The following ARMC9 variants were observed in gnomAD, a reference collection of about 807,000 sequenced individuals.
The protein encoded by ARMC9 is lisH domain-containing protein ARMC9.
A neutral mutation model predicts 107.0 loss-of-function variants in ARMC9; 94 were observed. The ratio of observed to expected loss-of-function variants is 0.88; its 90% CI spans 0.74 to 1.04. The LOEUF is 1.04. Ranked by LOEUF, ARMC9 falls within the 50% of genes least tolerant of loss-of-function variation. ARMC9 has a pLI of 0.00. For synonymous variants in ARMC9, 380 were observed against 396.9 expected (o/e 0.96, Z 0.51); for missense variants, 942 against 1,030.1 (o/e 0.91, Z 1.17).
intron 7 of ARMC9, among the ~76,000 whole-genome samples, chr2:231,232,745 C>T (rs1192407544): frequency 1.3e-5 from 2 of 151,384 alleles, no homozygotes; most frequent in Admixed American, 6.6e-5. Context: ...GCCACTGCGC[C>T]CGGCCTTTGC....
Position 231,216,627 on chromosome 2 carries a change from C to T in ARMC9, c.349-11C>T. On this transcript the variant is annotated splice_polypyrimidine_tract_variant and intron_variant, in intron 4 of 24. Coordinates refer to ENST00000611582, the MANE Select transcript of ARMC9 (RefSeq NM_001352754.2). ...CTGGAGACCTCAAACAAGTGTTTTCCCTTCTTCTAGGACAAAGAGGAGCTG... is the reference window on the plus strand; with the variant it reads ...CTGGAGACCTCAAACAAGTGTTTTCTCTTCTTCTAGGACAAAGAGGAGCTG... 6.2e-7 allele frequency: 1 copy of T among 1,611,636 alleles called. No individual in the cohort carries two copies. The highest frequency in any genetic ancestry group is 8.5e-7 in the Non-Finnish European group (1 of 1,179,002).
intron 19 of ARMC9, among the ~76,000 whole-genome samples, chr2:231,310,344 G>A (rs1183412062): frequency 2.6e-5 from 4 of 151,178 alleles, no homozygotes; most frequent in Non-Finnish European, 4.4e-5. Context: ...GCTTGAACCC[G>A]GGAGGCAAGG....
chr2:231,227,117 A>T (rs1234468660), intron 7 of ARMC9, among the ~76,000 whole-genome samples: 2 of 152,160 alleles, frequency 1.3e-5, no homozygotes, highest in African/African-American at 2.4e-5. Flanking sequence ...GTAAGGATAG[A>T]GTTCTTTTAA....
chr2:231,240,250 G>A, intron 9 of ARMC9: 1 of 571,876 alleles, frequency 1.7e-6, no homozygotes, highest in Non-Finnish European at 3.1e-6. Flanking sequence ...TGAGGAGAGA[G>A]GCGTGTTCTG....
At chr2:231,318,111 G>A (rs986851296) in intron 19 of ARMC9, among the ~76,000 whole-genome samples, 5 of 151,770 alleles carry the variant, frequency 3.3e-5, no homozygotes, top group Admixed American at 6.6e-5. Flanking sequence ...ACGTGTTGTC[G>A]TGATTCTAGA....
intron 13 of ARMC9, 80 bp downstream of exon 13, chr2:231,271,152 C>G: frequency 7.2e-7 from 1 of 1,390,618 alleles, no homozygotes; most frequent in South Asian, 1.2e-5. Flanking sequence ...GCGTTCCTCC[C>G]AAGTTTCTTA....
chr2:231,304,846 T>G (rs1390133414), intron 19 of ARMC9, among the ~76,000 whole-genome samples: 1 of 152,238 alleles, frequency 6.6e-6, no homozygotes, highest in Non-Finnish European at 1.5e-5. Flanking sequence ...CTTGAAAGTT[T>G]AAATTGTATT....
At chr2:231,308,860 A>C (rs1394904140) in intron 19 of ARMC9, among the ~76,000 whole-genome samples, 2 of 152,240 alleles carry the variant, frequency 1.3e-5, no homozygotes, top group Non-Finnish European at 2.9e-5. Context: ...GCCAGAGGCT[A>C]GCTGCTCTCC....
chr2:231,262,748 C>T (rs2038493671), intron 12 of ARMC9, among the ~76,000 whole-genome samples: 1 of 152,116 alleles, frequency 6.6e-6, no homozygotes, highest in South Asian at 2.1e-4. Flanking sequence ...TACATCTGGG[C>T]CTGACTAAAA....
intron 19 of ARMC9, among the ~76,000 whole-genome samples, chr2:231,304,857 A>C (rs2041958592): frequency 6.6e-6 from 1 of 152,212 alleles, no homozygotes; most frequent in Non-Finnish European, 1.5e-5. Flanking sequence ...AAATTGTATT[A>C]TTGCTGACAA....
intron 17 of ARMC9, among the ~76,000 whole-genome samples, chr2:231,285,877 T>G (rs1333913513): frequency 6.6e-6 from 1 of 152,030 alleles, no homozygotes; most frequent in African/African-American, 2.4e-5. Flanking sequence ...GTTTTTAGAT[T>G]GATAAAGCCA....
chr2:231,354,748 G>C (rs2045265735), intron 21 of ARMC9, among the ~76,000 whole-genome samples: 1 of 152,212 alleles, frequency 6.6e-6, no homozygotes, highest in Non-Finnish European at 1.5e-5. Flanking sequence ...GCATGAGCTT[G>C]TCGTGTGTTC....
In ARMC9 at chr2:231,372,914, G is replaced by A. The variant is rs1277874984; in HGVS notation, c.*1379G>A. On this transcript the variant is annotated 3_prime_UTR_variant, in exon 25 of 25. Coordinates refer to ENST00000611582, the MANE Select transcript of ARMC9 (RefSeq NM_001352754.2). The stretch of plus-strand genomic sequence containing the variant: ...TTTCCATGGCCCCCTGACTCCTCAG[G>A]AGCGCAGGCAGAGGAGGTAAACAGG... The A allele has an allele frequency of 6.6e-6, 1 of 152,210 alleles. No individual in the cohort carries two copies. The highest frequency in any genetic ancestry group is 2.4e-5 in the African/African-American group (1 of 41,448). 9.4% of individuals were successfully genotyped at this position (152,210 alleles called of 1,614,324 possible).
chr2:231,248,330 A>G (rs2036961620), intron 9 of ARMC9, among the ~76,000 whole-genome samples: 1 of 151,970 alleles, frequency 6.6e-6, no homozygotes, highest in African/African-American at 2.4e-5. Flanking sequence ...CTTACTGATT[A>G]TTTGTCACAT....
Position 231,358,145 on chromosome 2 carries a change from A to G in ARMC9, c.2131+2211A>G, listed in dbSNP as rs1369328469. On this transcript the variant is annotated intron_variant, in intron 22 of 24. Transcript: ENST00000611582. This position sits in a 1 kb window ranked among gnomAD's most constrained non-coding sequence, Gnocchi z 4.5. Reference sequence around the variant, plus strand: ...TGTGCTCCATCTGGGCTTTGCAGATAGGGGGACTGCGGTTAAGTCCATTAA... The same window carrying G: ...TGTGCTCCATCTGGGCTTTGCAGATGGGGGGACTGCGGTTAAGTCCATTAA... Among the ~76,000 whole-genome samples the G allele has an allele frequency of 4.6e-5, 7 of 152,106 alleles. No homozygotes were observed. The highest frequency in any genetic ancestry group is 9.7e-5 in the African/African-American group (4 of 41,406).
chr2:231,376,526 G>A lies in ARMC9; in HGVS notation c.*4991G>A, dbSNP rs977018135. ...GGCTTATTAGGAGGAGGAAATTCCC[G>A]CCTAATAAATTTTGGTCAGACCGGT... On this transcript the variant is annotated 3_prime_UTR_variant, in exon 25 of 25. Coordinates refer to ENST00000611582, the MANE Select transcript of ARMC9 (RefSeq NM_001352754.2). 5.9e-5 allele frequency among the ~76,000 whole-genome samples: 9 copies of A among 151,982 alleles called. No individual in the cohort carries two copies. The highest frequency in any genetic ancestry group is 2.1e-4 in the South Asian group (1 of 4,810).
intron 21 of ARMC9, among the ~76,000 whole-genome samples, chr2:231,345,770 C>T (rs1394460954): frequency 1.3e-5 from 2 of 152,186 alleles, no homozygotes; most frequent in African/African-American, 4.8e-5. Context: ...CTAAAAACCT[C>T]CATATATTCA....
At chr2:231,249,888 C>T (rs1183651616) in intron 9 of ARMC9, among the ~76,000 whole-genome samples, 2 of 43,362 alleles carry the variant, frequency 4.6e-5, no homozygotes, top group Non-Finnish European at 8.3e-5. Context: ...CACCCGTGCA[C>T]ACCTCCACGG....
chr2:231,202,669 TTC>T lies in ARMC9; in HGVS notation c.-41-3525_-41-3524del, dbSNP rs149102391. Among the ~76,000 whole-genome samples the T allele has an allele frequency of 6.9e-3, 1,053 of 152,210 alleles. 11 individuals are homozygous for T. Among genetic ancestry groups the T allele is most frequent in the African/African-American group, 0.024 (990 of 41,546 alleles). On this transcript the variant is annotated intron_variant, in intron 1 of 24. Coordinates refer to ENST00000611582, the MANE Select transcript of ARMC9 (RefSeq NM_001352754.2). ...TCTGTGTCTTTGCTCAGCACCCATATTCTCTGCTATCCCTCTGAATGCCGTTC... is the reference window on the plus strand; with the variant it reads ...TCTGTGTCTTTGCTCAGCACCCATATTCTGCTATCCCTCTGAATGCCGTTC...
Sources: allele counts gnomAD v4.1 joint callset (sites outside exome capture counted in the v4.1 genomes callset), GRCh38; gene constraint gnomAD v4.1.1; non-coding constraint Gnocchi (gnomAD v3.1); transcripts MANE v1.5; gene names NCBI Gene and HGNC (gene_info 2026-07-23, HGNC 2026-07-21).